The following PREX1 variants were observed in gnomAD, a reference collection of about 807,000 sequenced individuals.
The protein encoded by PREX1 is phosphatidylinositol 3,4,5-trisphosphate-dependent Rac exchanger 1 protein.
A neutral mutation model predicts 198.3 loss-of-function variants in PREX1; 41 were observed. That is an observed-to-expected ratio of 0.21 (90% CI 0.16 to 0.27). PREX1 has a LOEUF of 0.27. Among genes scored for constraint, PREX1 ranks in the 10% least tolerant of loss-of-function variants. The probability of loss-of-function intolerance (pLI) is 1.00; values close to 1 mark genes in which losing one functional copy is unlikely to be tolerated. For missense variants in PREX1, 1,620 were observed against 2,200.7 expected, an observed-to-expected ratio of 0.74 and a Z score of 5.28; for synonymous variants, 843 against 887.2, an observed-to-expected ratio of 0.95 and a Z score of 0.89.
At chr20:48,738,283 G>C (rs530987082) in intron 3 of PREX1, among the ~76,000 whole-genome samples, 2 of 152,306 alleles carry the variant, frequency 1.3e-5, no homozygotes, top group East Asian at 1.9e-4. Context: ...TGCAGGAGAG[G>C]GGGTAACAAG....
chr20:48,724,288 G>C (rs974178143), intron 5 of PREX1, among the ~76,000 whole-genome samples: 2 of 152,188 alleles, frequency 1.3e-5, no homozygotes, highest in Non-Finnish European at 2.9e-5. Context: ...CTCCAAGAGG[G>C]GGCTAATCAC....
At chr20:48,744,197 C>G (rs1016394053) in intron 3 of PREX1, among the ~76,000 whole-genome samples, 7 of 152,142 alleles carry the variant, frequency 4.6e-5, no homozygotes, top group African/African-American at 1.7e-4. Context: ...CACTCTAGAG[C>G]TAGGACAACC....
At chr20:48,879,548 C>T in the PREX1 span, among the ~76,000 whole-genome samples, 1 of 152,218 alleles carries the variant, frequency 6.6e-6, no homozygotes, top group Non-Finnish European at 1.5e-5. Flanking sequence ...CTAGCAGGGC[C>T]TCCTGTATTC....
intron 6 of PREX1, among the ~76,000 whole-genome samples, chr20:48,706,767 G>A (rs1468966456): frequency 1.3e-5 from 2 of 152,326 alleles, no homozygotes; most frequent in East Asian, 3.9e-4. Flanking sequence ...TCAGATGCAG[G>A]AAACAGAAAC....
intron 1 of PREX1, among the ~76,000 whole-genome samples, chr20:48,771,421 G>A (rs73909707): frequency 0.013 from 2,035 of 151,894 alleles, 44 homozygotes; most frequent in African/African-American, 0.047. Context: ...TGTTGTCTCC[G>A]CTAAGTGTTT....
chr20:48,636,743 AC>A (rs2089368535), intron 31 of PREX1, 60 bp from the exon 32 acceptor site: 7 of 1,432,708 alleles, frequency 4.9e-6, no homozygotes, highest in East Asian at 5.0e-5. Context: ...CAGGAGGCCC[AC>A]CCCCCAAAAC....
chr20:48,787,014 C>T (rs903235586), intron 1 of PREX1, among the ~76,000 whole-genome samples: 2 of 151,522 alleles, frequency 1.3e-5, no homozygotes, highest in Admixed American at 1.3e-4. Context: ...CTCAGAAGCC[C>T]CCTTGAGCAT....
intron 15 of PREX1, among the ~76,000 whole-genome samples, chr20:48,662,901 G>A (rs962945206): frequency 2.0e-5 from 3 of 152,314 alleles, no homozygotes; most frequent in Non-Finnish European, 2.9e-5. Flanking sequence ...CAGCCTTCCC[G>A]GAATAGCAGC....
chr20:48,716,250 G>A (rs571511636), intron 5 of PREX1, among the ~76,000 whole-genome samples: 24 of 152,328 alleles, frequency 1.6e-4, no homozygotes, highest in African/African-American at 5.8e-4. Flanking sequence ...CTAGAAGAGA[G>A]GATGTTGGCG....
intron 7 of PREX1, 49 bp from the exon 8 acceptor site, chr20:48,692,839 G>T: frequency 6.7e-7 from 1 of 1,499,136 alleles, no homozygotes; most frequent in Non-Finnish European, 9.3e-7. Context: ...CCTCCCAGAT[G>T]CAACTGTTTT....
At chr20:48,656,905 G>T in intron 18 of PREX1, 135 bp downstream of exon 18, 1 of 1,214,550 alleles carries the variant, frequency 8.2e-7, no homozygotes, top group Non-Finnish European at 1.1e-6. Flanking sequence ...ATTAATGAAG[G>T]TCCAGCTTGT....
chr20:48,729,159 C>T (rs967688170), intron 4 of PREX1, among the ~76,000 whole-genome samples: 2 of 152,190 alleles, frequency 1.3e-5, no homozygotes, highest in South Asian at 2.1e-4. Context: ...TCACTGCAAC[C>T]TCTGCCTCCT....
chr20:48,725,726 C>T (rs76583759), intron 5 of PREX1, among the ~76,000 whole-genome samples: 1,577 of 152,316 alleles, frequency 0.01, 16 homozygotes, highest in Non-Finnish European at 0.016. Flanking sequence ...TTCAGGAGTG[C>T]AGCACCTGAC....
chr20:48,640,680 A>C (rs1277800744), intron 29 of PREX1, among the ~76,000 whole-genome samples: 3 of 152,178 alleles, frequency 2.0e-5, no homozygotes, highest in Non-Finnish European at 2.9e-5. Context: ...CAGGGTCTCC[A>C]GTGCCCAGTA....
At chr20:48,822,217 C>T (rs953551203) in intron 1 of PREX1, among the ~76,000 whole-genome samples, 12 of 152,222 alleles carry the variant, frequency 7.9e-5, no homozygotes, top group African/African-American at 9.6e-5. Flanking sequence ...CCAGGCTCTC[C>T]GGCATCTGAA....
intron 1 of PREX1, among the ~76,000 whole-genome samples, chr20:48,819,587 A>C (rs769962740): frequency 9.2e-5 from 14 of 152,146 alleles, no homozygotes; most frequent in Non-Finnish European, 1.6e-4. Flanking sequence ...TAGTTTCCCC[A>C]TCTGCAAAAT....
At chr20:48,630,658 T>G in intron 36 of PREX1, 70 bp downstream of exon 36, 1 of 1,383,764 alleles carries the variant, frequency 7.2e-7, no homozygotes, top group South Asian at 1.2e-5. Context: ...TGGGCCTGTC[T>G]GCTGAGTCCT....
At chr20:48,631,809 C>T (rs1325475198) in intron 35 of PREX1, among the ~76,000 whole-genome samples, 1 of 152,028 alleles carries the variant, frequency 6.6e-6, no homozygotes, top group African/African-American at 2.4e-5. Context: ...CCTGTGGTTC[C>T]TCCTGGTGAT....
At chr20:48,696,013 T>C (rs1376207854) in intron 7 of PREX1, among the ~76,000 whole-genome samples, 3 of 152,284 alleles carry the variant, frequency 2.0e-5, no homozygotes, top group African/African-American at 7.2e-5. Flanking sequence ...GTGAATACTC[T>C]GGCCATTATA....
Sources: allele counts gnomAD v4.1 joint callset (sites outside exome capture counted in the v4.1 genomes callset), GRCh38; gene constraint gnomAD v4.1.1; transcripts MANE v1.5; gene names NCBI Gene and HGNC (gene_info 2026-07-23, HGNC 2026-07-21).